Variants in DMBT1 observed in about 807,000 individuals in gnomAD.
DMBT1 encodes scavenger receptor cysteine-rich domain-containing protein DMBT1.
DMBT1 carries 198 observed loss-of-function variants against 252.9 expected under a neutral mutation model. The ratio of observed to expected loss-of-function variants is 0.78; its 90% CI spans 0.70 to 0.88. DMBT1 has a LOEUF of 0.88. Ranked by LOEUF, DMBT1 falls within the 40% of genes least tolerant of loss-of-function variation. The probability of loss-of-function intolerance (pLI) is 0.00; values close to 1 mark genes in which losing one functional copy is unlikely to be tolerated. For synonymous variants in DMBT1, 990 were observed against 942.7 expected (o/e 1.05, Z -0.92); for missense variants, 2,432 against 2,404.7 (o/e 1.01, Z -0.24).
chr10:122,625,328 G>A, intron 45 of DMBT1, 25 bp downstream of exon 45: 2 of 1,603,972 alleles, frequency 1.2e-6, no homozygotes, highest in South Asian at 1.1e-5. Flanking sequence ...CCCCAGTCCA[G>A]CAATATTTCT....
intron 52 of DMBT1, among the ~76,000 whole-genome samples, chr10:122,634,468 CTCTCTCTCTCTCTTTCTCTCTT>C (rs1347309853): frequency 3.0e-5 from 3 of 99,152 alleles, no homozygotes; most frequent in African/African-American, 1.4e-4. Context: ...CTCTCTCTCT[CTCTCTCTCTCTCTTTCTCTCTT>C]TTTCTTTCTT....
chr10:122,587,544 A>T (rs529278711), intron 16 of DMBT1, among the ~76,000 whole-genome samples: 10 of 147,556 alleles, frequency 6.8e-5, no homozygotes, highest in Non-Finnish European at 1.5e-4. Context: ...TTTTTTTTGC[A>T]GGAGTGGCCT....
At chr10:122,587,063 G>A (rs1002175250) in intron 16 of DMBT1, among the ~76,000 whole-genome samples, 1 of 148,426 alleles carries the variant, frequency 6.7e-6, no homozygotes, top group Non-Finnish European at 1.5e-5. Context: ...CCCAGACATG[G>A]CACATCAAGC....
At chr10:122,573,834 A>T (rs756275346) in intron 6 of DMBT1, 72 bp downstream of exon 6, 1 of 1,568,236 alleles carries the variant, frequency 6.4e-7, no homozygotes, top group Admixed American at 1.7e-5. Flanking sequence ...TCTGATTCAG[A>T]TGAGGTGCAG....
intron 10 of DMBT1, among the ~76,000 whole-genome samples, chr10:122,580,409 T>A (rs1591271278): frequency 6.6e-6 from 1 of 152,340 alleles, no homozygotes; most frequent in East Asian, 1.9e-4. Context: ...TTGGAGTTCT[T>A]GACCTCAGCT....
At position 122,599,382 on chromosome 10, in the gene DMBT1, C is replaced by T. The variant is rs555201602; in HGVS notation, c.3280+285C>T. Reference sequence around the variant, plus strand: ...GTGCTGGCTCCCCAGGGCTCCATTTCTCCCCTGCTGAGTAGCACGGTGTGA... The same window carrying T: ...GTGCTGGCTCCCCAGGGCTCCATTTTTCCCCTGCTGAGTAGCACGGTGTGA... On this transcript the variant is annotated intron_variant, in intron 26 of 55. Transcript: ENST00000338354. Among the ~76,000 whole-genome samples, 3 of 152,290 alleles carry T rather than the reference C, an allele frequency of 2.0e-5. No individual in the cohort carries two copies. In the East Asian group the frequency reaches 5.8e-4, roughly 29 times the overall value.
rs147655361 is a variant in DMBT1, at chr10:122,584,703, C to T, written c.1420+352C>T. ...TTGAGAGTGATTGCCAAAGTCTCCT[C>T]GGAAGCCAATGTCAGCTAAAGCCTT... On this transcript the variant is annotated intron_variant, in intron 14 of 55. Transcript: ENST00000338354. 3.4e-5 allele frequency among the ~76,000 whole-genome samples: 5 copies of T among 148,974 alleles called. 1 individual carries two copies. Among genetic ancestry groups the T allele is most frequent in the East Asian group, 2.1e-4 (1 of 4,768 alleles).
chr10:122,617,150 C>A (rs2097993430), intron 39 of DMBT1, 78 bp from the exon 40 acceptor site: 2 of 1,478,054 alleles, frequency 1.4e-6, no homozygotes, highest in African/African-American at 1.4e-5. Flanking sequence ...GGTTGATTCC[C>A]CCTCCCAGAG....
intron 42 of DMBT1, 115 bp from the exon 43 acceptor site, chr10:122,620,138 G>A: frequency 9.0e-7 from 1 of 1,106,936 alleles, no homozygotes; most frequent in Non-Finnish European, 1.4e-6. Context: ...TGGAGCAAGT[G>A]GCAGGAACCA....
chr10:122,571,006 C>A, intron 4 of DMBT1, 69 bp downstream of exon 4: 1 of 1,551,748 alleles, frequency 6.4e-7, no homozygotes, highest in South Asian at 1.1e-5. Flanking sequence ...ATCTCTGATT[C>A]AGACGAGGTG....
rs779723712 is a variant in DMBT1 at position 122,586,594 on chromosome 10, G to T, written c.1783+211G>T. ...GGACAATGGGCCAAAGTGAAATAAG[G>T]GTCACACCTTTGTTCCCCTACTGAG... On this transcript the variant is annotated intron_variant, in intron 16 of 55. Transcript: ENST00000338354. Among the ~76,000 whole-genome samples, 2 of 148,426 alleles carry T rather than the reference G, an allele frequency of 1.3e-5. 1 individual carries two copies. The highest frequency in any genetic ancestry group is 4.1e-4 in the East Asian group (2 of 4,836).
chr10:122,587,524 G>T (rs1016029653), intron 16 of DMBT1, among the ~76,000 whole-genome samples: 3 of 148,420 alleles, frequency 2.0e-5, no homozygotes, highest in Non-Finnish European at 4.5e-5. Flanking sequence ...AAGATCACAG[G>T]CTGGATATTT....
In DMBT1 at chr10:122,565,988, C is replaced by T. The variant is rs2133504898; in HGVS notation, c.83C>T (p.Thr28Ile). 6.2e-7 allele frequency: 1 copy of T among 1,613,978 alleles called. No homozygotes were observed. The highest frequency in any genetic ancestry group is 8.5e-7 in the Non-Finnish European group (1 of 1,179,832). ...CCAGGTGGGTGGATCCCAAGGACTA[C>T]AGACTACGGTAAGACCTTTTCTTCA... ...LSTGGWIPRT[T>I]DYASLIPSEV... The change falls in exon 2 of 56, where the codon ACA becomes ATA. Residue 28 changes from threonine to isoleucine, a missense_variant. Around this residue, in one of 3 missense-constraint regions of DMBT1, gnomAD observed 1,264 missense variants for 1,082.2 expected, o/e 1.17. Coordinates refer to ENST00000338354, the MANE Select transcript of DMBT1 (RefSeq NM_001377530.1).
At chr10:122,640,501 C>A in intron 55 of DMBT1, 52 bp downstream of exon 55, 1 of 1,538,852 alleles carries the variant, frequency 6.5e-7, no homozygotes, top group Admixed American at 1.9e-5. Flanking sequence ...ATAACTCAAA[C>A]ATGAGTAGCC....
rs1279640524 is a variant in DMBT1, at chr10:122,579,830, G to A, written c.932G>A (p.Trp311Ter). Residue 311 changes from tryptophan to a stop codon, truncating the protein, a stop_gained, in exon 10 of 56, where the codon TGG becomes TAG. Transcript: ENST00000338354. LOFTEE classifies it high-confidence loss of function. Reference sequence around the variant, plus strand: ...TGCTCAGGACATGAGTCCTACCTGTGGAGCTGCCCCCACAATGGCTGGCTC... The same window carrying A: ...TGCTCAGGACATGAGTCCTACCTGTAGAGCTGCCCCCACAATGGCTGGCTC... ...VRCSGHESYL[W>*]SCPHNGWLTH... 1.2e-6 allele frequency: 2 copies of A among 1,613,632 alleles called. No individual in the cohort carries two copies. The highest frequency in any genetic ancestry group is 2.2e-5 in the East Asian group (1 of 44,870).
intron 26 of DMBT1, 106 bp downstream of exon 26, chr10:122,599,203 C>G: frequency 6.4e-7 from 1 of 1,568,606 alleles, no homozygotes; most frequent in Non-Finnish European, 8.6e-7. Flanking sequence ...TCTATGTTTT[C>G]TATATTTCTG....
intron 6 of DMBT1, 86 bp downstream of exon 6, chr10:122,573,848 G>A: frequency 2.6e-6 from 4 of 1,535,148 alleles, no homozygotes; most frequent in Non-Finnish European, 3.6e-6. Flanking sequence ...GGTGCAGAGG[G>A]CATAGAAAGT....
intron 6 of DMBT1, among the ~76,000 whole-genome samples, chr10:122,575,934 C>T (rs1311647329): frequency 1.3e-5 from 2 of 152,200 alleles, no homozygotes; most frequent in Non-Finnish European, 2.9e-5. Flanking sequence ...CCCTAACAAT[C>T]CTGGCCCTGA....
chr10:122,621,655 C>T (rs916112955), intron 44 of DMBT1, among the ~76,000 whole-genome samples: 7 of 152,140 alleles, frequency 4.6e-5, no homozygotes, highest in Non-Finnish European at 1.0e-4. Context: ...TCTGGCTCCC[C>T]AGGGCTCCAT....
Sources: allele counts gnomAD v4.1 joint callset (sites outside exome capture counted in the v4.1 genomes callset), GRCh38; gene constraint gnomAD v4.1.1; regional missense constraint gnomAD v4.1.1; transcripts MANE v1.5; gene names NCBI Gene and HGNC (gene_info 2026-07-23, HGNC 2026-07-21).